DGKQ: variants seen among roughly 807,000 people sequenced by gnomAD.
The protein encoded by DGKQ is diacylglycerol kinase theta.
A neutral mutation model predicts 104.2 loss-of-function variants in DGKQ; 97 were observed. That is an observed-to-expected ratio of 0.93 (90% CI 0.79 to 1.10). The LOEUF (loss-of-function observed/expected upper bound fraction) is 1.10. Among genes scored for constraint, DGKQ ranks in the 50% least tolerant of loss-of-function variants. The probability of loss-of-function intolerance (pLI) is 0.00; values close to 1 mark genes in which losing one functional copy is unlikely to be tolerated. For synonymous variants in DGKQ, 736 were observed against 595.2 expected (o/e 1.24, Z -3.44); for missense variants, 1,465 against 1,352.1 (o/e 1.08, Z -1.31).
rs1712896268 is a variant in DGKQ at position 971,109 on chromosome 4, C to T, written c.272-37G>A. 6.7e-7 allele frequency: 1 copy of T among 1,491,276 alleles called. No homozygotes were observed. The highest frequency in any genetic ancestry group is 9.1e-7 in the Non-Finnish European group (1 of 1,093,442). 92.4% of individuals were successfully genotyped at this position (1,491,276 alleles called of 1,614,324 possible). A position where few individuals can be genotyped will look rare whatever the true frequency, so the allele number is the denominator to read the frequency against. On this transcript the variant is annotated intron_variant, in intron 1 of 22. Coordinates refer to ENST00000273814, the MANE Select transcript of DGKQ (RefSeq NM_001347.4). This position sits in a 1 kb window ranked among gnomAD's most constrained non-coding sequence, Gnocchi z 4.0. ...AGCACTGTGTGAGTTGGCCCCTGTCCTACCCAATGGCTGTCCTACCCAGGA... is the reference window on the plus strand; with the variant it reads ...AGCACTGTGTGAGTTGGCCCCTGTCTTACCCAATGGCTGTCCTACCCAGGA...
rs769787190 is a variant in DGKQ at position 960,624 on chromosome 4, C to G, written c.2825G>C (p.Arg942Thr). 22 of 1,611,234 alleles carry G rather than the reference C, an allele frequency of 1.4e-5. No individual in the cohort carries two copies. Among genetic ancestry groups the G allele is most frequent in the Non-Finnish European group, 1.9e-5 (22 of 1,179,558 alleles). The change falls in exon 23 of 23, where the codon AGG (arginine) becomes ACG (threonine). Residue 942 changes from arginine (R) to threonine (T), a missense_variant. Transcript: ENST00000273814. ...CTTGGGCTGCCCCAGCCACCCCTAC[C>G]TAGGATCGCTCTCAGGGGCAGGCGC... is the stretch of plus-strand genomic sequence containing the variant. ...DAAPAPESDP[R>T]
chr4:966,219 G>A (rs1461511942), intron 12 of DGKQ, 141 bp from the exon 13 acceptor site: 8 of 969,798 alleles, frequency 8.2e-6, no homozygotes, highest in African/African-American at 3.3e-5. Flanking sequence ...ACGAGGAAAG[G>A]GGCCACAGAG....
At position 967,952 on chromosome 4, in the gene DGKQ, C is replaced by T. The variant is rs1163254682; in HGVS notation, c.739G>A (p.Ala247Thr). The T allele has an allele frequency of 2.0e-6, 3 of 1,485,028 alleles. No homozygotes were observed. The highest frequency in any genetic ancestry group is 2.4e-5 in the Admixed American group (1 of 41,852). 92.0% of individuals were successfully genotyped at this position (1,485,028 alleles called of 1,614,324 possible). The change falls in exon 6 of 23, where the codon GCG becomes ACG. Residue 247 changes from alanine to threonine, a missense_variant. Coordinates refer to ENST00000273814, the MANE Select transcript of DGKQ (RefSeq NM_001347.4). The part of the protein sequence containing the change: ...GRLRSLVLPP[A>T]CVRLLPGGFS... ...CCGCCGGGCAGAAGGCGCACGCACG[C>T]GGGAGGCAGGACCAGGGAGCGCAGA...
chr4:963,892 G>A, intron 15 of DGKQ, among the ~76,000 whole-genome samples: 1 of 152,264 alleles, frequency 6.6e-6, no homozygotes, highest in South Asian at 2.1e-4. Context: ...GGAGGCTAGG[G>A]ACCCTACGAC....
chr4:967,691 C>G (rs1180285394), intron 7 of DGKQ, 37 bp downstream of exon 7: 1 of 1,612,074 alleles, frequency 6.2e-7, no homozygotes, highest in Admixed American at 1.7e-5. Context: ...GCCCGGGGGA[C>G]CTCAGTGGAG....
Position 968,568 on chromosome 4 carries a change from G to T in DGKQ, c.452-4C>A, listed in dbSNP as rs1159005325. Reference sequence around the variant, plus strand: ...GGGTGGAGGTGCAGCTCACACACTGGGGGGCAGGCAGGGTTAGAGGTGTCT... The same window carrying T: ...GGGTGGAGGTGCAGCTCACACACTGTGGGGCAGGCAGGGTTAGAGGTGTCT... On this transcript the variant is annotated splice_polypyrimidine_tract_variant and splice_region_variant and intron_variant, in intron 3 of 22. Coordinates refer to ENST00000273814, the MANE Select transcript of DGKQ (RefSeq NM_001347.4). 13 of 1,605,146 alleles carry T rather than the reference G, an allele frequency of 8.1e-6. No individual in the cohort carries two copies. The East Asian group carries it at 1.6e-4, about 19-fold the overall frequency.
At chr4:962,405 G>A (rs991574496) in intron 18 of DGKQ, 30 bp downstream of exon 18, 27 of 1,529,724 alleles carry the variant, frequency 1.8e-5, no homozygotes, top group Admixed American at 5.9e-5. Context: ...CAGGAGCCTG[G>A]AAGGCACCCC....
intron 1 of DGKQ, 77 bp downstream of exon 1, chr4:973,135 G>A (rs1212931872): frequency 1.5e-6 from 2 of 1,369,830 alleles, no homozygotes; most frequent in South Asian, 1.6e-5. Flanking sequence ...AAGCGCCGGT[G>A]CCACCTCCGC....
At position 960,385 on chromosome 4, in the gene DGKQ, A is replaced by G. The variant is rs1711778347; in HGVS notation, c.*235T>C. The G allele has an allele frequency of 1.7e-6, 1 of 578,526 alleles. No homozygotes were observed. The highest frequency in any genetic ancestry group is 1.9e-5 in the African/African-American group (1 of 53,496). 35.8% of individuals were successfully genotyped at this position (578,526 alleles called of 1,614,324 possible). Reference sequence around the variant, plus strand: ...GCGCCCACCCGGGACACGGGGTAACACTGCCACCCGCACACCAGTCTCCAG... The same window carrying G: ...GCGCCCACCCGGGACACGGGGTAACGCTGCCACCCGCACACCAGTCTCCAG... On this transcript the variant is annotated 3_prime_UTR_variant, in exon 23 of 23. Transcript: ENST00000273814.
At chr4:966,861 G>A (rs892685427) in intron 10 of DGKQ, 59 bp from the exon 11 acceptor site, 26 of 1,571,262 alleles carry the variant, frequency 1.7e-5, no homozygotes, top group Middle Eastern at 1.7e-4. Context: ...CAGGACACCC[G>A]CGGGGACAGC....
At position 964,252 on chromosome 4, in the gene DGKQ, A is replaced by G. The variant is rs552578778; in HGVS notation, c.1734+924T>C. On this transcript the variant is annotated intron_variant, in intron 15 of 22. Coordinates refer to ENST00000273814, the MANE Select transcript of DGKQ (RefSeq NM_001347.4). ...TAGGGGCACAGGAGGGAGGCATAGC[A>G]GGGAGCCACAGGCATCTCCCGTCCC... is the stretch of plus-strand genomic sequence containing the variant. 2.0e-5 allele frequency among the ~76,000 whole-genome samples: 3 copies of G among 152,300 alleles called. No individual in the cohort carries two copies. In the East Asian group the frequency reaches 5.8e-4, roughly 29 times the overall value.
chr4:967,295 G>A lies in DGKQ; in HGVS notation c.1054C>T (p.Pro352Ser), dbSNP rs759741201. Residue 352 changes from proline (P) to serine (S), a missense_variant, in exon 9 of 23, where the codon CCT becomes TCT. Transcript: ENST00000273814. The part of the protein sequence containing the change: ...PGHLELCRLP[P>S]SSQACDAWAG... ...CAGGCGTCACAGGCCTGAGAGGAAGGGGGCAGCCGGCACAGCTCCAGGTGG... is the reference window on the plus strand; with the variant it reads ...CAGGCGTCACAGGCCTGAGAGGAAGAGGGCAGCCGGCACAGCTCCAGGTGG... 8.4e-6 allele frequency: 13 copies of A among 1,543,630 alleles called. No individual in the cohort carries two copies. In the African/African-American group the frequency reaches 1.1e-4, roughly 13 times the overall value.
At chr4:960,932 G>A in intron 22 of DGKQ, 117 bp downstream of exon 22, 1 of 1,525,500 alleles carries the variant, frequency 6.6e-7, no homozygotes, top group Non-Finnish European at 8.8e-7. Flanking sequence ...CCCTCCCGGA[G>A]TCAGTGCTCC....
At chr4:969,473 T>C (rs2153010850) in intron 2 of DGKQ, among the ~76,000 whole-genome samples, 1 of 152,328 alleles carries the variant, frequency 6.6e-6, no homozygotes, top group East Asian at 1.9e-4. Context: ...AAGGACCAAG[T>C]CTTCACTCCT....
chr4:962,036 A>G lies in DGKQ; in HGVS notation c.2261T>C (p.Leu754Pro). Reference protein sequence around the residue: ...NYCGIGIDAELSLDFHQAREE... With the variant: ...NYCGIGIDAEPSLDFHQAREE... ...CCGTGCCTGGTGGAAGTCCAGGCTC[A>G]GCTCCGCGTCGATGCCAATGCCACA... Residue 754 changes from leucine to proline, a missense_variant, in exon 19 of 23, where the codon CTG (leucine) becomes CCG (proline). Coordinates refer to ENST00000273814, the MANE Select transcript of DGKQ (RefSeq NM_001347.4). 1 of 1,613,110 alleles carries G rather than the reference A, an allele frequency of 6.2e-7. No homozygotes were observed. The highest frequency in any genetic ancestry group is 8.5e-7 in the Non-Finnish European group (1 of 1,179,958).
chr4:965,590 G>C (rs1423972685), intron 13 of DGKQ, 61 bp from the exon 14 acceptor site: 11 of 1,578,346 alleles, frequency 7.0e-6, no homozygotes, highest in Non-Finnish European at 6.9e-6. Flanking sequence ...ACTGGGGCCA[G>C]GGACAGCCCC....
rs1366186297 is a variant in DGKQ, at chr4:959,512, A to T, written c.*1108T>A. The T allele has an allele frequency of 6.6e-6, 1 of 152,300 alleles. No homozygotes were observed. The highest frequency in any genetic ancestry group is 1.9e-4 in the East Asian group (1 of 5,184). 9.4% of individuals were successfully genotyped at this position (152,300 alleles called of 1,614,324 possible). A position where few individuals can be genotyped will look rare whatever the true frequency, so the allele number is the denominator to read the frequency against. On this transcript the variant is annotated 3_prime_UTR_variant, in exon 23 of 23. Transcript: ENST00000273814. ...CTTTGTCTTTGGCTGGGTGCACCCCAGCCTGGCCCAGATGCAGGACCCTCC... is the reference window on the plus strand; with the variant it reads ...CTTTGTCTTTGGCTGGGTGCACCCCTGCCTGGCCCAGATGCAGGACCCTCC...
chr4:966,816 G>A lies in DGKQ; in HGVS notation c.1312-14C>T, dbSNP rs774264623. 1.2e-6 allele frequency: 2 copies of A among 1,606,712 alleles called. No individual in the cohort carries two copies. Among genetic ancestry groups the A allele is most frequent in the Admixed American group, 3.4e-5 (2 of 59,382 alleles). On this transcript the variant is annotated splice_polypyrimidine_tract_variant and intron_variant, in intron 10 of 22. Transcript: ENST00000273814. ...GGGACTCTCGGCCTGTTGGGGTAGA[G>A]CTTGGCATCGGGTCTGGGCAGGCCC...
chr4:966,368 AAGG>A (rs1214809989), intron 12 of DGKQ, 95 bp downstream of exon 12: 30 of 1,356,226 alleles, frequency 2.2e-5, no homozygotes, highest in East Asian at 4.6e-5. Flanking sequence ...CTGCCTAGCC[AAGG>A]AGAACTCGGC....
Sources: allele counts gnomAD v4.1 joint callset (sites outside exome capture counted in the v4.1 genomes callset), GRCh38; gene constraint gnomAD v4.1.1; non-coding constraint Gnocchi (gnomAD v3.1); transcripts MANE v1.5; gene names NCBI Gene and HGNC (gene_info 2026-07-23, HGNC 2026-07-21).